Variants in SIPA1L2 observed in about 807,000 individuals in gnomAD.
SIPA1L2 encodes the protein signal induced proliferation associated 1 like 2.
SIPA1L2 carries 56 observed loss-of-function variants against 163.9 expected under a neutral mutation model. The observed-to-expected ratio is 0.34, with a 90% confidence interval of 0.28 to 0.43. SIPA1L2 has a LOEUF of 0.43. Ranked by LOEUF, SIPA1L2 falls within the 20% of genes least tolerant of loss-of-function variation. SIPA1L2 has a pLI of 1.00. For missense variants in SIPA1L2, 1,974 were observed against 2,193.5 expected (o/e 0.90, Z 2.00); for synonymous variants, 877 against 865.7 (o/e 1.01, Z -0.23).
intron 1 of SIPA1L2, among the ~76,000 whole-genome samples, chr1:232,596,798 A>AG (rs1323006247): frequency 6.6e-6 from 1 of 151,928 alleles, no homozygotes; most frequent in Non-Finnish European, 1.5e-5. Flanking sequence ...TTCGCCTGTG[A>AG]GGGGATCGAT....
intron 2 of SIPA1L2, among the ~76,000 whole-genome samples, chr1:232,556,372 T>C (rs1300386590): frequency 6.6e-6 from 1 of 152,114 alleles, no homozygotes; most frequent in Non-Finnish European, 1.5e-5. Context: ...ATTACATTTT[T>C]AAAAGAAAAA....
chr1:232,512,320 C>A (rs376902330), intron 3 of SIPA1L2, among the ~76,000 whole-genome samples: 2 of 152,138 alleles, frequency 1.3e-5, no homozygotes, highest in African/African-American at 4.8e-5. Flanking sequence ...GGCGATTCCT[C>A]AAGGATCTAG....
intron 1 of SIPA1L2, among the ~76,000 whole-genome samples, chr1:232,591,791 C>T (rs777268660): frequency 1.1e-4 from 16 of 152,172 alleles, no homozygotes; most frequent in Admixed American, 6.5e-4. Flanking sequence ...AGTCAGTGAA[C>T]GGAGGTTGCT....
rs1547742 is a variant in SIPA1L2, at chr1:232,432,295, G to A, written c.4208C>T (p.Ser1403Leu). The A allele has an allele frequency of 0.097, 156,696 of 1,613,994 alleles. 8,244 individuals carry two copies. Among genetic ancestry groups the A allele is most frequent in the Admixed American group, 0.12 (7,415 of 60,000 alleles). ...VNKYVIGWKK[S>L]EGSPPPEEPE... ...CTCCTCGGGCGGTGGGCTGCCCTCC[G>A]ATTTCTTCCAGCCGATGACATATTT... The change falls in exon 16 of 23, where the codon TCG becomes TTG. Residue 1403 changes from serine (S) to leucine (L), a missense_variant. Coordinates refer to ENST00000674635, the MANE Select transcript of SIPA1L2 (RefSeq NM_020808.5).
At chr1:232,495,966 A>T (rs1057236566) in intron 3 of SIPA1L2, among the ~76,000 whole-genome samples, 2 of 152,242 alleles carry the variant, frequency 1.3e-5, no homozygotes, top group African/African-American at 4.8e-5. Flanking sequence ...TTAAAAAAAT[A>T]AAGTTATAAA....
At position 232,403,490 on chromosome 1, in the gene SIPA1L2, CATA is replaced by C. The variant is rs1558148868; in HGVS notation, c.4895_4897del (p.Leu1632del). 6.2e-7 allele frequency: 1 copy of C among 1,614,116 alleles called. No individual in the cohort carries two copies. Among genetic ancestry groups the C allele is most frequent in the Non-Finnish European group, 8.5e-7 (1 of 1,179,996 alleles). On this transcript the variant is annotated inframe_deletion, in exon 21 of 23. Coordinates refer to ENST00000674635, the MANE Select transcript of SIPA1L2 (RefSeq NM_020808.5). ...CTCTTTGCCACTGCCTGGATCTACACATAAGGGCAGCTCTTGGGCCCCTTCCAG... is the reference window on the plus strand; with the variant it reads ...CTCTTTGCCACTGCCTGGATCTACACAGGGCAGCTCTTGGGCCCCTTCCAG...
At chr1:232,433,246 G>A (rs1662356364) in intron 15 of SIPA1L2, among the ~76,000 whole-genome samples, 1 of 152,164 alleles carries the variant, frequency 6.6e-6, no homozygotes, top group African/African-American at 2.4e-5. Flanking sequence ...AGACGACTTG[G>A]GCGATCTCAT....
At chr1:232,593,014 T>C (rs940895954) in intron 1 of SIPA1L2, among the ~76,000 whole-genome samples, 1 of 152,170 alleles carries the variant, frequency 6.6e-6, no homozygotes, top group Non-Finnish European at 1.5e-5. Flanking sequence ...TAGATCCACA[T>C]TTTTATCTGG....
chr1:232,568,494 C>T (rs549691756), intron 2 of SIPA1L2, among the ~76,000 whole-genome samples: 1 of 152,116 alleles, frequency 6.6e-6, no homozygotes, highest in Non-Finnish European at 1.5e-5. Flanking sequence ...TCTCATAGAC[C>T]TATTGAATTA....
Position 232,464,824 on chromosome 1 carries a change from G to C in SIPA1L2, c.2820+16C>G, listed in dbSNP as rs775650943. Reference sequence around the variant, plus strand: ...AAAACATAAGGATGGCGGGAAAATAGAAAACATGTACTTACTACTAATCGC... The same window carrying C: ...AAAACATAAGGATGGCGGGAAAATACAAAACATGTACTTACTACTAATCGC... On this transcript the variant is annotated intron_variant, in intron 9 of 22. Transcript: ENST00000674635. The C allele has an allele frequency of 6.5e-7, 1 of 1,543,216 alleles. No individual in the cohort carries two copies. The highest frequency in any genetic ancestry group is 8.7e-7 in the Non-Finnish European group (1 of 1,145,710).
At chr1:232,547,377 T>C (rs1038470634) in intron 2 of SIPA1L2, among the ~76,000 whole-genome samples, 4 of 150,640 alleles carry the variant, frequency 2.7e-5, no homozygotes, top group African/African-American at 7.4e-5. Context: ...GATGAAATCA[T>C]CCTTTCCGGG....
intron 3 of SIPA1L2, among the ~76,000 whole-genome samples, chr1:232,499,922 G>A (rs2103014432): frequency 6.6e-6 from 1 of 152,250 alleles, no homozygotes; most frequent in Non-Finnish European, 1.5e-5. Context: ...CTCTCCCTGT[G>A]CTCTAACAGC....
intron 2 of SIPA1L2, among the ~76,000 whole-genome samples, chr1:232,541,935 A>ATCTCTCTCTCTCTCTCTCTCTCTCTC (rs59407464): frequency 2.6e-4 from 38 of 148,306 alleles, no homozygotes; most frequent in African/African-American, 9.5e-4. Flanking sequence ...TGAGCCTTAA[A>ATCTCTCTCTCTCTCTCTCTCTCTCTC]TCTCTCTCTC....
chr1:232,483,790 A>G lies in SIPA1L2; in HGVS notation c.1981+2T>C, dbSNP rs758708020. On this transcript the variant is annotated splice_donor_variant, in intron 6 of 22. Transcript: ENST00000674635. LOFTEE classifies it high-confidence loss of function. ...GTGCACACACACAAACATTAAACTT[A>G]CTCTTATTGTCTAGCTGAGCTCGAT... The G allele has an allele frequency of 6.2e-7, 1 of 1,613,086 alleles. No individual in the cohort carries two copies. The highest frequency in any genetic ancestry group is 8.5e-7 in the Non-Finnish European group (1 of 1,179,736).
At position 232,483,772 on chromosome 1, in the gene SIPA1L2, C is replaced by T; in HGVS notation, c.1981+20G>A. 6.2e-7 allele frequency: 1 copy of T among 1,613,226 alleles called. No homozygotes were observed. The highest frequency in any genetic ancestry group is 8.5e-7 in the Non-Finnish European group (1 of 1,179,562). On this transcript the variant is annotated intron_variant, in intron 6 of 22. Transcript: ENST00000674635. ...CTTTGGAGAATTAAAAATGTGCACA[C>T]ACACAAACATTAAACTTACTCTTAT...
chr1:232,461,275 C>A, intron 9 of SIPA1L2, 114 bp from the exon 10 acceptor site: 1 of 1,311,944 alleles, frequency 7.6e-7, no homozygotes, highest in Non-Finnish European at 1.1e-6. Context: ...GCCCTCGCAG[C>A]CCAGCCTGTC....
intron 2 of SIPA1L2, among the ~76,000 whole-genome samples, chr1:232,532,975 T>C (rs553459144): frequency 6.6e-6 from 1 of 152,282 alleles, no homozygotes; most frequent in African/African-American, 2.4e-5. Flanking sequence ...TGCTCCATAA[T>C]GACATTAGCT....
At chr1:232,558,713 T>A (rs1658865332) in intron 2 of SIPA1L2, among the ~76,000 whole-genome samples, 2 of 152,230 alleles carry the variant, frequency 1.3e-5, no homozygotes, top group Admixed American at 1.3e-4. Flanking sequence ...CTGGCATTTC[T>A]CCTGGCTGAT....
intron 19 of SIPA1L2, among the ~76,000 whole-genome samples, chr1:232,414,317 T>C (rs1284686049): frequency 6.6e-6 from 1 of 152,178 alleles, no homozygotes; most frequent in Non-Finnish European, 1.5e-5. Flanking sequence ...CCAGAGGCAC[T>C]GATACCAGCT....
Sources: gnomAD v4.1 joint callset for allele counts (sites outside exome capture counted in the v4.1 genomes callset) on GRCh38, gnomAD v4.1.1 for gene constraint, MANE v1.5 for transcripts, NCBI Gene and HGNC (gene_info 2026-07-23, HGNC 2026-07-21) for gene names.